The following PIK3C2G variants were observed in gnomAD, a reference collection of about 807,000 sequenced individuals.
The protein encoded by PIK3C2G is phosphatidylinositol 3-kinase C2 domain-containing subunit gamma.
A neutral mutation model predicts 181.1 loss-of-function variants in PIK3C2G; 168 were observed. That is an observed-to-expected ratio of 0.93 (90% CI 0.82 to 1.05). The LOEUF is 1.05. Among genes scored for constraint, PIK3C2G ranks in the 50% least tolerant of loss-of-function variants. The probability of loss-of-function intolerance (pLI) is 0.00; values close to 1 mark genes in which losing one functional copy is unlikely to be tolerated. For missense variants in PIK3C2G, 1,869 were observed against 1,732.8 expected (o/e 1.08, Z -1.40); for synonymous variants, 573 against 592.2 (o/e 0.97, Z 0.47).
At chr12:18,641,875 G>A (rs937841196) in intron 32 of PIK3C2G, among the ~76,000 whole-genome samples, 6 of 149,374 alleles carry the variant, frequency 4.0e-5, no homozygotes, top group Non-Finnish European at 5.9e-5. Context: ...TAAGCCACCC[G>A]AGTAACTGAG....
chr12:18,473,897 CA>C (rs1938705033), intron 18 of PIK3C2G, among the ~76,000 whole-genome samples: 1 of 121,658 alleles, frequency 8.2e-6, no homozygotes, highest in Non-Finnish European at 1.7e-5. Flanking sequence ...TTGTTTTTGG[CA>C]AAAACAGTAT....
chr12:18,707,816 T>G, the PIK3C2G span, among the ~76,000 whole-genome samples: 1 of 152,128 alleles, frequency 6.6e-6, no homozygotes, highest in South Asian at 2.1e-4. Flanking sequence ...TCTCATTGAG[T>G]CTCCACTGCT....
At chr12:18,692,905 C>A in the PIK3C2G span, 1 of 1,598,710 alleles carries the variant, frequency 6.3e-7, no homozygotes. Flanking sequence ...ACAAAGGGAC[C>A]AGATGCTGCC....
intron 13 of PIK3C2G, among the ~76,000 whole-genome samples, chr12:18,378,370 T>C (rs1317162144): frequency 6.6e-6 from 1 of 151,908 alleles, no homozygotes; most frequent in Non-Finnish European, 1.5e-5. Flanking sequence ...AAAGTATTAG[T>C]TCAGTAACTT....
intron 24 of PIK3C2G, among the ~76,000 whole-genome samples, chr12:18,508,280 C>G (rs1240717371): frequency 6.6e-6 from 1 of 152,142 alleles, no homozygotes; most frequent in South Asian, 2.1e-4. Flanking sequence ...GATACATTTG[C>G]TCTAAGTTTG....
chr12:18,601,154 A>G (rs1379022225), intron 30 of PIK3C2G, among the ~76,000 whole-genome samples: 1 of 152,046 alleles, frequency 6.6e-6, no homozygotes, highest in African/African-American at 2.4e-5. Context: ...AGTACTATAC[A>G]TAATATATAA....
chr12:18,256,346 C>T (rs957237131), intron 1 of PIK3C2G, among the ~76,000 whole-genome samples: 2 of 152,044 alleles, frequency 1.3e-5, no homozygotes, highest in Non-Finnish European at 2.9e-5. Flanking sequence ...CTAACCCAGG[C>T]AGTGTTGCTA....
upstream of PIK3C2G, among the ~76,000 whole-genome samples, chr12:18,256,910 T>G (rs1948151398): frequency 6.6e-6 from 1 of 152,034 alleles, no homozygotes; most frequent in African/African-American, 2.4e-5. Context: ...AAACACAGCA[T>G]TTTATACTAG....
chr12:18,371,251 C>G lies in PIK3C2G; in HGVS notation c.1820C>G (p.Ala607Gly). The G allele has an allele frequency of 6.2e-7, 1 of 1,612,086 alleles. No individual in the cohort carries two copies. Among genetic ancestry groups the G allele is most frequent in the South Asian group, 1.1e-5 (1 of 90,720 alleles). Residue 607 changes from alanine to glycine, a missense_variant, in exon 13 of 33, where the codon GCC becomes GGC. By Grantham distance (60) the Ala-to-Gly change is moderately conservative. Transcript: ENST00000538779. ...CTCACTGTAAAACTGTTTGGGATTG[C>G]CTGTGCAACCAACAATGCAAATTTA... ...SMLTVKLFGI[A>G]CATNNANLLA... is the part of the protein sequence containing the mutation.
intron 14 of PIK3C2G, among the ~76,000 whole-genome samples, chr12:18,388,549 A>G (rs1592133785): frequency 6.6e-6 from 1 of 152,220 alleles, no homozygotes; most frequent in East Asian, 1.9e-4. Flanking sequence ...TCCTGAGATT[A>G]CAGGCATGAG....
chr12:18,425,956 T>G (rs775186438), intron 18 of PIK3C2G, among the ~76,000 whole-genome samples: 3 of 152,240 alleles, frequency 2.0e-5, no homozygotes, highest in Non-Finnish European at 4.4e-5. Context: ...TGAATGCTAG[T>G]GGTTTGTCCT....
chr12:18,462,852 A>G (rs940736451), intron 18 of PIK3C2G, among the ~76,000 whole-genome samples: 4 of 152,158 alleles, frequency 2.6e-5, no homozygotes, highest in Non-Finnish European at 5.9e-5. Context: ...TACCAACAAT[A>G]TAATCTACTC....
At chr12:18,684,907 GT>G in the PIK3C2G span, among the ~76,000 whole-genome samples, 1 of 151,892 alleles carries the variant, frequency 6.6e-6, no homozygotes, top group Non-Finnish European at 1.5e-5. Flanking sequence ...TTATAAGGCA[GT>G]TTTCCCCACT....
rs542274325 is a variant in PIK3C2G, at chr12:18,644,520, G to A, written c.4309-3356G>A. 2.7e-4 allele frequency among the ~76,000 whole-genome samples: 41 copies of A among 152,016 alleles called. 1 individual carries two copies. The highest frequency in any genetic ancestry group is 4.3e-4 in the Non-Finnish European group (29 of 68,016). ...AAATTAGAAAGAACAGAACAGGAAC[G>A]TTCTATGCATTTTACATCCCTTAAA... On this transcript the variant is annotated intron_variant, in intron 32 of 32. Coordinates refer to ENST00000538779, the MANE Select transcript of PIK3C2G (RefSeq NM_001288772.2).
At chr12:18,365,386 A>G (rs1013787812) in intron 12 of PIK3C2G, among the ~76,000 whole-genome samples, 3 of 152,160 alleles carry the variant, frequency 2.0e-5, no homozygotes, top group African/African-American at 7.2e-5. Flanking sequence ...CACTTTATTC[A>G]GTTATCTTTT....
At chr12:18,319,408 T>C (rs1001465063) in intron 6 of PIK3C2G, among the ~76,000 whole-genome samples, 4 of 152,162 alleles carry the variant, frequency 2.6e-5, no homozygotes, top group Admixed American at 1.3e-4. Flanking sequence ...AAGTGCACAC[T>C]ATCTTTCATG....
intron 29 of PIK3C2G, among the ~76,000 whole-genome samples, chr12:18,581,419 T>G (rs1171623159): frequency 6.6e-6 from 1 of 152,212 alleles, no homozygotes; most frequent in East Asian, 1.9e-4. Flanking sequence ...TTAGATCCCC[T>G]AAGAAAAATC....
At chr12:18,626,308 T>G (rs1418828466) in intron 31 of PIK3C2G, among the ~76,000 whole-genome samples, 3 of 151,894 alleles carry the variant, frequency 2.0e-5, no homozygotes, top group Non-Finnish European at 2.9e-5. Context: ...ACTCTATACT[T>G]TTCTCCTCAC....
At chr12:18,278,981 G>A (rs11044000) in intron 1 of PIK3C2G, among the ~76,000 whole-genome samples, 6 of 151,582 alleles carry the variant, frequency 4.0e-5, no homozygotes, top group African/African-American at 1.5e-4. Context: ...TTTCAGACAG[G>A]CTTCTAACCC....
Sources: allele counts gnomAD v4.1 joint callset (sites outside exome capture counted in the v4.1 genomes callset), GRCh38; gene constraint gnomAD v4.1.1; transcripts MANE v1.5; gene names NCBI Gene and HGNC (gene_info 2026-07-23, HGNC 2026-07-21).